Variants in CADM2 observed in about 807,000 individuals in gnomAD.
CADM2 encodes the protein immunoglobulin superfamily member 4D.
In CADM2, 12 loss-of-function variants were observed where a neutral mutation model predicts 49.8. That is an observed-to-expected ratio of 0.24 (90% CI 0.15 to 0.39). The LOEUF (loss-of-function observed/expected upper bound fraction) is 0.39. Ranked by LOEUF, CADM2 falls within the 10% of genes least tolerant of loss-of-function variation. CADM2 has a pLI of 1.00. For synonymous variants in CADM2, 214 were observed against 175.4 expected, an observed-to-expected ratio of 1.22 and a Z score of -1.74; for missense variants, 378 against 492.3, an observed-to-expected ratio of 0.77 and a Z score of 2.20.
intron 8 of CADM2, among the ~76,000 whole-genome samples, chr3:86,024,618 T>C (rs1733647123): frequency 6.6e-6 from 1 of 152,186 alleles, no homozygotes; most frequent in African/African-American, 2.4e-5. Context: ...CTGTAAATGA[T>C]ACATCTATAA....
At chr3:85,995,424 A>G (rs150760619) in intron 8 of CADM2, among the ~76,000 whole-genome samples, 16 of 152,294 alleles carry the variant, frequency 1.1e-4, no homozygotes, top group African/African-American at 3.6e-4. Context: ...GTGACACTCA[A>G]GGTATGATGA....
chr3:85,249,995 A>C (rs2042739052), intron 1 of CADM2, among the ~76,000 whole-genome samples: 1 of 151,856 alleles, frequency 6.6e-6, no homozygotes, highest in African/African-American at 2.4e-5. Context: ...TAAATGAAAT[A>C]AATTCATTAT....
intron 1 of CADM2, among the ~76,000 whole-genome samples, chr3:85,296,121 T>C (rs1026826285): frequency 6.6e-6 from 1 of 152,034 alleles, no homozygotes; most frequent in Non-Finnish European, 1.5e-5. Flanking sequence ...ATGTCAAATA[T>C]TTTTTAAATC....
At chr3:85,660,251 A>G (rs1259335291) in intron 1 of CADM2, among the ~76,000 whole-genome samples, 1 of 152,092 alleles carries the variant, frequency 6.6e-6, no homozygotes, top group South Asian at 2.1e-4. Context: ...AGTAGTTTCT[A>G]TTCTCCCTAA....
intron 1 of CADM2, among the ~76,000 whole-genome samples, chr3:85,043,763 G>C (rs755941126): frequency 2.0e-5 from 3 of 151,970 alleles, no homozygotes; most frequent in African/African-American, 4.8e-5. Flanking sequence ...TCCTTTTCTG[G>C]TCAAATTTAC....
At chr3:85,668,906 T>G (rs1186692203) in intron 1 of CADM2, among the ~76,000 whole-genome samples, 2 of 152,170 alleles carry the variant, frequency 1.3e-5, no homozygotes, top group Non-Finnish European at 2.9e-5. Flanking sequence ...TACATTTATT[T>G]CTCCAGGAAG....
chr3:85,358,089 T>C (rs1576411899), intron 1 of CADM2, among the ~76,000 whole-genome samples: 2 of 152,266 alleles, frequency 1.3e-5, no homozygotes, highest in Middle Eastern at 3.4e-3. Context: ...TATTCTTTGT[T>C]GTGGGAGACC....
intron 1 of CADM2, among the ~76,000 whole-genome samples, chr3:85,447,539 T>C (rs1283056671): frequency 6.6e-6 from 1 of 152,184 alleles, no homozygotes; most frequent in Non-Finnish European, 1.5e-5. Context: ...AAGCAATGGT[T>C]ACCCTTCACT....
At chr3:85,886,490 T>C (rs376826841) in intron 5 of CADM2, among the ~76,000 whole-genome samples, 163 bp downstream of exon 5, 2 of 152,178 alleles carry the variant, frequency 1.3e-5, no homozygotes, top group East Asian at 1.9e-4. Context: ...TTTTACAAGA[T>C]ATATTAATAT....
intron 7 of CADM2, among the ~76,000 whole-genome samples, chr3:85,950,059 T>A (rs1277398726): frequency 6.6e-6 from 1 of 151,170 alleles, no homozygotes; most frequent in Non-Finnish European, 1.5e-5. Context: ...CACGAAAATA[T>A]TGCAAAGAGT....
intron 1 of CADM2, among the ~76,000 whole-genome samples, chr3:85,296,884 T>A (rs1408276576): frequency 6.6e-6 from 1 of 152,056 alleles, no homozygotes; most frequent in African/African-American, 2.4e-5. Context: ...ATGAAAACAA[T>A]GTCCCATATT....
At chr3:86,039,259 C>T (rs954604998) in intron 8 of CADM2, among the ~76,000 whole-genome samples, 1 of 151,866 alleles carries the variant, frequency 6.6e-6, no homozygotes, top group Non-Finnish European at 1.5e-5. Context: ...TGAGCCAAAG[C>T]AGGGTGAGGC....
chr3:85,266,475 T>C (rs1441048102), intron 1 of CADM2, among the ~76,000 whole-genome samples: 2 of 151,794 alleles, frequency 1.3e-5, no homozygotes, highest in African/African-American at 4.8e-5. Flanking sequence ...TTCATATTAC[T>C]AATCATAGTG....
chr3:85,169,367 C>T (rs938906213), intron 1 of CADM2, among the ~76,000 whole-genome samples: 1 of 152,142 alleles, frequency 6.6e-6, no homozygotes, highest in African/African-American at 2.4e-5. Flanking sequence ...TGGTTATTTA[C>T]ATGATTGTGT....
chr3:85,954,615 C>A (rs190464657), intron 7 of CADM2, among the ~76,000 whole-genome samples: 45 of 151,188 alleles, frequency 3.0e-4, no homozygotes, highest in Non-Finnish European at 5.8e-4. Context: ...GTTTGGGCTT[C>A]GTTTAGAGAT....
intron 1 of CADM2, among the ~76,000 whole-genome samples, chr3:85,236,442 G>T (rs756281456): frequency 4.6e-5 from 7 of 151,902 alleles, no homozygotes; most frequent in Non-Finnish European, 8.8e-5. Context: ...TGGTGTCAAA[G>T]TTATACTTGA....
intron 5 of CADM2, among the ~76,000 whole-genome samples, chr3:85,890,400 T>C (rs1267517592): frequency 6.6e-6 from 1 of 152,132 alleles, no homozygotes; most frequent in Non-Finnish European, 1.5e-5. Flanking sequence ...AGGAGTCAAT[T>C]ATGCACTGGT....
At chr3:85,538,560 A>C (rs17516857) in intron 1 of CADM2, among the ~76,000 whole-genome samples, 77,868 of 151,958 alleles carry the variant, frequency 0.51, 23,039 homozygotes, top group East Asian at 0.85. Context: ...ATTACTGAGA[A>C]GTTTGAGATG....
chr3:85,087,475 C>T (rs1203247932), intron 1 of CADM2, among the ~76,000 whole-genome samples: 3 of 152,132 alleles, frequency 2.0e-5, no homozygotes, highest in Non-Finnish European at 4.4e-5. Flanking sequence ...TATTAATCTT[C>T]CAGGATTACC....
Sources: gnomAD v4.1 joint callset for allele counts (sites outside exome capture counted in the v4.1 genomes callset) on GRCh38, gnomAD v4.1.1 for gene constraint, MANE v1.5 for transcripts, NCBI Gene and HGNC (gene_info 2026-07-23, HGNC 2026-07-21) for gene names.